LINGO2: variants seen among roughly 807,000 people sequenced by gnomAD.
LINGO2 encodes the protein leucine-rich repeat and immunoglobulin-like domain-containing nogo receptor-interacting protein 2.
Under a neutral mutation model 30.6 loss-of-function variants are expected in LINGO2, and 14 were observed. The ratio of observed to expected loss-of-function variants is 0.46; its 90% CI spans 0.30 to 0.72. The LOEUF is 0.72. Ranked by LOEUF, LINGO2 falls within the 30% of genes least tolerant of loss-of-function variation. The pLI, the probability that LINGO2 is intolerant of heterozygous loss-of-function variation, is 0.07. For synonymous variants in LINGO2, 317 were observed against 288.5 expected (o/e 1.10, Z -1.00); for missense variants, 729 against 751.7 (o/e 0.97, Z 0.35).
At chr9:28,908,916 G>A in the LINGO2 span, among the ~76,000 whole-genome samples, 1 of 151,684 alleles carries the variant, frequency 6.6e-6, no homozygotes, top group Non-Finnish European at 1.5e-5. Context: ...ACTCTGTCTT[G>A]TCTTTTGATT....
intron 3 of LINGO2, among the ~76,000 whole-genome samples, chr9:28,305,126 C>A (rs1824293498): frequency 6.6e-6 from 1 of 151,888 alleles, no homozygotes; most frequent in African/African-American, 2.4e-5. Flanking sequence ...AAATAAAAAC[C>A]ATATGATCAT....
At chr9:28,739,645 C>T in the LINGO2 span, among the ~76,000 whole-genome samples, 3 of 151,756 alleles carry the variant, frequency 2.0e-5, no homozygotes, top group Non-Finnish European at 3.0e-5. Context: ...TAATATACCA[C>T]TTTGTCAGTA....
At position 28,147,358 on chromosome 9, in the gene LINGO2, C is replaced by T. The variant is rs1316667852; in HGVS notation, c.-86-134953G>A. Among the ~76,000 whole-genome samples, 1 of 152,134 alleles carries T rather than the reference C, an allele frequency of 6.6e-6. No individual in the cohort carries two copies. Among genetic ancestry groups the T allele is most frequent in the Non-Finnish European group, 1.5e-5 (1 of 68,024 alleles). On this transcript the variant is annotated intron_variant, in intron 4 of 5. Transcript: ENST00000379992. The surrounding 1 kb of genome is among the most constrained non-coding windows in gnomAD (Gnocchi z 4.7). ...AGGCAAATTTGTAAAAAGTGGAGAC[C>T]CTGCCTGCCAGGGAGGCATGTGGTA...
At chr9:28,032,606 C>T (rs1365173519) in intron 4 of LINGO2, among the ~76,000 whole-genome samples, 1 of 152,156 alleles carries the variant, frequency 6.6e-6, no homozygotes, top group African/African-American at 2.4e-5. Flanking sequence ...GTTTTTAGTC[C>T]CTTTTACAGA....
chr9:28,526,103 G>T (rs1349427800), intron 1 of LINGO2, among the ~76,000 whole-genome samples: 1 of 145,880 alleles, frequency 6.9e-6, no homozygotes, highest in Non-Finnish European at 1.5e-5. Context: ...CCTTATACTG[G>T]TGAACTTGTA....
At chr9:28,976,376 A>G in the LINGO2 span, among the ~76,000 whole-genome samples, 98,938 of 152,008 alleles carry the variant, frequency 0.65, 32,804 homozygotes, top group Non-Finnish European at 0.72. Flanking sequence ...CATTTAGTCC[A>G]TTCATTGTCA....
At chr9:28,575,599 G>A (rs2090872) in intron 1 of LINGO2, among the ~76,000 whole-genome samples, 80,988 of 151,470 alleles carry the variant, frequency 0.53, 22,044 homozygotes, top group East Asian at 0.65. Context: ...TACTATGCCC[G>A]CTACCTGGGT....
At chr9:28,278,556 T>C (rs1823212051) in intron 4 of LINGO2, among the ~76,000 whole-genome samples, 1 of 152,182 alleles carries the variant, frequency 6.6e-6, no homozygotes, top group South Asian at 2.1e-4. Flanking sequence ...TCTGCCTCTG[T>C]GAACAAAACA....
chr9:28,800,701 T>C, the LINGO2 span, among the ~76,000 whole-genome samples: 1 of 152,148 alleles, frequency 6.6e-6, no homozygotes, highest in South Asian at 2.1e-4. Context: ...CTGTAGCTCA[T>C]CTCTTATTGA....
At chr9:28,794,319 A>C in the LINGO2 span, among the ~76,000 whole-genome samples, 4 of 152,052 alleles carry the variant, frequency 2.6e-5, no homozygotes, top group African/African-American at 9.7e-5. Context: ...AAAACAAAAC[A>C]AAACCAAAAC....
At chr9:28,907,460 T>G in the LINGO2 span, among the ~76,000 whole-genome samples, 3 of 151,798 alleles carry the variant, frequency 2.0e-5, no homozygotes, top group Non-Finnish European at 4.4e-5. Flanking sequence ...TGTAGTAGAT[T>G]TCTAATGAGA....
the LINGO2 span, among the ~76,000 whole-genome samples, chr9:28,943,505 C>A: frequency 6.6e-6 from 1 of 152,138 alleles, no homozygotes; most frequent in Admixed American, 6.5e-5. Context: ...AGCTTTAAGG[C>A]ATCCACTTAT....
At chr9:28,962,283 A>G in the LINGO2 span, among the ~76,000 whole-genome samples, 2 of 152,142 alleles carry the variant, frequency 1.3e-5, no homozygotes, top group Non-Finnish European at 2.9e-5. Flanking sequence ...TGTTAATCAC[A>G]GTTTACTAAA....
chr9:28,746,180 A>G, the LINGO2 span, among the ~76,000 whole-genome samples: 1 of 152,052 alleles, frequency 6.6e-6, no homozygotes, highest in African/African-American at 2.4e-5. Flanking sequence ...TTTAAAATAT[A>G]TAATTCCCAT....
intron 4 of LINGO2, among the ~76,000 whole-genome samples, chr9:28,172,775 G>GT (rs1404001586): frequency 4.6e-5 from 7 of 151,744 alleles, no homozygotes; most frequent in African/African-American, 7.3e-5. Context: ...TTCTCTTCTC[G>GT]TTTTTTGTCT....
At chr9:28,216,196 C>T (rs1304335308) in intron 4 of LINGO2, among the ~76,000 whole-genome samples, 1 of 151,838 alleles carries the variant, frequency 6.6e-6, no homozygotes, top group African/African-American at 2.4e-5. Context: ...TTATTACATC[C>T]ACAACAGTCA....
intron 1 of LINGO2, among the ~76,000 whole-genome samples, chr9:28,530,373 A>T (rs1306985440): frequency 1.3e-5 from 2 of 152,142 alleles, no homozygotes; most frequent in African/African-American, 2.4e-5. Context: ...CACCATGTAC[A>T]ATACAGTTTG....
At chr9:28,425,313 G>C (rs890294924) in intron 2 of LINGO2, among the ~76,000 whole-genome samples, 20 of 119,266 alleles carry the variant, frequency 1.7e-4, no homozygotes, top group Admixed American at 1.4e-3. Flanking sequence ...TGTATACACA[G>C]TATATATGTG....
At chr9:28,172,025 AAAAAAAAAC>A (rs1368775698) in intron 4 of LINGO2, among the ~76,000 whole-genome samples, 4 of 88,008 alleles carry the variant, frequency 4.5e-5, no homozygotes, top group East Asian at 2.4e-4. Flanking sequence ...TCAAAAAAAA[AAAAAAAAAC>A]AAAAAAAAAA....
Sources: gnomAD v4.1 joint callset for allele counts (sites outside exome capture counted in the v4.1 genomes callset) on GRCh38, gnomAD v4.1.1 for gene constraint, Gnocchi (gnomAD v3.1) non-coding constraint, MANE v1.5 for transcripts, NCBI Gene and HGNC (gene_info 2026-07-23, HGNC 2026-07-21) for gene names.